The following NAA16 variants were observed in gnomAD, a reference collection of about 807,000 sequenced individuals.
NAA16 encodes NARG1-like protein.
A neutral mutation model predicts 110.3 loss-of-function variants in NAA16; 97 were observed. That is an observed-to-expected ratio of 0.88 (90% CI 0.75 to 1.04). NAA16 has a LOEUF of 1.04. NAA16 is among the 50% of genes least tolerant of loss of function. NAA16 has a pLI of 0.00. For missense variants in NAA16, 1,017 were observed against 1,005.1 expected (o/e 1.01, Z -0.16); for synonymous variants, 372 against 330.6 (o/e 1.13, Z -1.36).
rs1354403536 is a variant in NAA16 at position 41,328,728 on chromosome 13, A to G, written c.696A>G (p.Glu232=). The change falls in exon 7 of 20, where the codon GAA becomes GAG. Residue 232 remains glutamate (E), a synonymous_variant. Coordinates refer to ENST00000379406, the MANE Select transcript of NAA16 (RefSeq NM_024561.5). ...DKLLVEEIKG[E]ILLKLGRLKE... is the part of the protein sequence containing the mutation. Reference sequence around the variant, plus strand: ...TGTCTTTAAACTTAATTTCAGGGGAAATACTGTTGAAATTGGGAAGATTAA... The same window carrying G: ...TGTCTTTAAACTTAATTTCAGGGGAGATACTGTTGAAATTGGGAAGATTAA... The G allele has an allele frequency of 6.2e-7, 1 of 1,604,710 alleles. No homozygotes were observed. The highest frequency in any genetic ancestry group is 1.7e-5 in the Admixed American group (1 of 59,474).
intron 9 of NAA16, among the ~76,000 whole-genome samples, chr13:41,339,635 G>A (rs1004680789): frequency 2.6e-5 from 4 of 152,002 alleles, no homozygotes; most frequent in African/African-American, 7.3e-5. Flanking sequence ...TCGGCTCACT[G>A]CAACCTCCGC....
intron 9 of NAA16, among the ~76,000 whole-genome samples, chr13:41,347,108 C>T (rs1395543901): frequency 1.3e-5 from 2 of 151,126 alleles, no homozygotes; most frequent in African/African-American, 2.4e-5. Flanking sequence ...CCCAGCTGCT[C>T]GGGAGGCTGA....
At chr13:41,347,277 T>G (rs147415176) in intron 9 of NAA16, among the ~76,000 whole-genome samples, 7 of 151,988 alleles carry the variant, frequency 4.6e-5, no homozygotes, top group African/African-American at 1.2e-4. Flanking sequence ...CCTCCTACTT[T>G]GTTCTTCAAG....
At chr13:41,353,977 C>G (rs1162855920) in intron 9 of NAA16, among the ~76,000 whole-genome samples, 1 of 152,022 alleles carries the variant, frequency 6.6e-6, no homozygotes, top group Non-Finnish European at 1.5e-5. Context: ...TTTCTACTAC[C>G]CTAATGTCTG....
chr13:41,324,207 T>C (rs1357801008), intron 5 of NAA16, among the ~76,000 whole-genome samples: 1 of 152,118 alleles, frequency 6.6e-6, no homozygotes, highest in African/African-American at 2.4e-5. Context: ...CACCAGAGAA[T>C]TGATTAGACT....
intron 10 of NAA16, among the ~76,000 whole-genome samples, chr13:41,356,835 T>C (rs562426597): frequency 1.3e-5 from 2 of 152,366 alleles, no homozygotes; most frequent in South Asian, 2.1e-4. Context: ...TTCACTGTCA[T>C]TCATACTTGT....
intron 1 of NAA16, among the ~76,000 whole-genome samples, chr13:41,315,844 A>C (rs879844916): frequency 3.3e-5 from 5 of 151,764 alleles, no homozygotes; most frequent in Non-Finnish European, 7.4e-5. Context: ...GTCATGCCTT[A>C]CTGCAGCCTC....
intron 4 of NAA16, among the ~76,000 whole-genome samples, chr13:41,322,522 G>A (rs371904199): frequency 2.0e-4 from 31 of 152,260 alleles, no homozygotes; most frequent in African/African-American, 7.0e-4. Context: ...CCAGGGTAAC[G>A]CCAAGAGTTG....
chr13:41,328,911 A>C lies in NAA16; in HGVS notation c.811+68A>C, dbSNP rs115249210. 9.5e-4 allele frequency: 1,288 copies of C among 1,349,304 alleles called. 6 individuals are homozygous for C. The African/African-American group carries it at 0.017, about 18-fold the overall frequency. The allele number at this position is 1,349,304 out of a possible 1,614,324, so 83.6% of individuals were successfully genotyped here. The stretch of plus-strand genomic sequence containing the variant: ...AAGTATAATAAAATGTAAAGTTGTA[A>C]TAATACTTGGGAACAAATAATTTTA... On this transcript the variant is annotated intron_variant, in intron 7 of 19. Coordinates refer to ENST00000379406, the MANE Select transcript of NAA16 (RefSeq NM_024561.5).
intron 7 of NAA16, among the ~76,000 whole-genome samples, chr13:41,329,287 C>A (rs377696248): frequency 1.1e-4 from 16 of 152,058 alleles, no homozygotes; most frequent in Middle Eastern, 3.4e-3. Context: ...TGATTTCAAA[C>A]TAGGCTAATT....
At chr13:41,373,565 G>A in intron 17 of NAA16, 72 bp from the exon 18 acceptor site, 1 of 1,474,876 alleles carries the variant, frequency 6.8e-7, no homozygotes, top group East Asian at 2.5e-5. Flanking sequence ...GCCATAAAGG[G>A]TTTTCAGTAG....
At chr13:41,362,603 C>G (rs1229349944) in intron 13 of NAA16, 1 of 764,974 alleles carries the variant, frequency 1.3e-6, no homozygotes, top group Admixed American at 2.6e-5. Context: ...GTATAACAAT[C>G]TATGGCCAGT....
intron 9 of NAA16, among the ~76,000 whole-genome samples, chr13:41,342,942 T>C (rs573416026): frequency 6.6e-6 from 1 of 152,210 alleles, no homozygotes; most frequent in Admixed American, 6.5e-5. Flanking sequence ...GGCACAAAAG[T>C]TTAGAAGTAA....
intron 12 of NAA16, 58 bp from the exon 13 acceptor site, chr13:41,361,973 G>T: frequency 1.3e-6 from 2 of 1,578,544 alleles, no homozygotes; most frequent in South Asian, 1.2e-5. Flanking sequence ...AAGAGGAAAT[G>T]ATTTTTAGGA....
At chr13:41,369,363 T>A (rs1340545262) in intron 15 of NAA16, 80 bp downstream of exon 15, 3 of 1,256,274 alleles carry the variant, frequency 2.4e-6, no homozygotes, top group Non-Finnish European at 3.2e-6. Flanking sequence ...CATGATTTAT[T>A]TAAATCTGTA....
chr13:41,341,301 C>G (rs549127716), intron 9 of NAA16, among the ~76,000 whole-genome samples: 60 of 152,240 alleles, frequency 3.9e-4, no homozygotes, highest in African/African-American at 1.4e-3. Flanking sequence ...AAGAATATTT[C>G]TAACTTAATT....
chr13:41,331,329 A>G lies in NAA16; in HGVS notation c.867A>G (p.Lys289=), dbSNP rs1323263352. 18 of 1,609,990 alleles carry G rather than the reference A, an allele frequency of 1.1e-5. No individual in the cohort carries two copies. Among genetic ancestry groups the G allele is most frequent in the Non-Finnish European group, 1.4e-5 (16 of 1,177,560 alleles). ...IYEEISKQHP[K]AITPRRLPLT... ...AAGAAATTAGTAAGCAGCACCCCAA[A>G]GCAATTACACCCAGAAGATTACCTT... Residue 289 remains lysine (K), a synonymous_variant, in exon 8 of 20, where the codon AAA becomes AAG. Transcript: ENST00000379406.
rs2041582698 is a variant in NAA16, at chr13:41,311,750, A to AC, written c.54+169dup. On this transcript the variant is annotated intron_variant, in intron 1 of 19. Transcript: ENST00000379406. ...CCCACTTTCCCGCTCCGGCCGGCCC[A>AC]CGGGGGCTGCCGAGCCGCTCCTCCG... Among the ~76,000 whole-genome samples the AC allele has an allele frequency of 6.6e-5, 10 of 152,132 alleles. No homozygotes were observed. The South Asian group carries it at 2.1e-3, about 32-fold the overall frequency.
At chr13:41,326,191 A>C (rs536925119) in intron 6 of NAA16, among the ~76,000 whole-genome samples, 4 of 152,146 alleles carry the variant, frequency 2.6e-5, no homozygotes, top group Admixed American at 6.5e-5. Context: ...TATATAGTTA[A>C]TTAAATACAG....
Sources: gnomAD v4.1 joint callset for allele counts (sites outside exome capture counted in the v4.1 genomes callset) on GRCh38, gnomAD v4.1.1 for gene constraint, MANE v1.5 for transcripts, NCBI Gene and HGNC (gene_info 2026-07-23, HGNC 2026-07-21) for gene names.